The following REV3L variants were observed in gnomAD, a reference collection of about 807,000 sequenced individuals.
REV3L encodes the protein REV3 like, DNA directed polymerase zeta catalytic subunit.
Under a neutral mutation model 299.4 loss-of-function variants are expected in REV3L, and 69 were observed. That is an observed-to-expected ratio of 0.23 (90% CI 0.19 to 0.28). REV3L has a LOEUF of 0.28. Among genes scored for constraint, REV3L ranks in the 10% least tolerant of loss-of-function variants. The pLI, the probability that REV3L is intolerant of heterozygous loss-of-function variation, is 1.00. For missense variants in REV3L, 3,128 were observed against 3,693.8 expected (o/e 0.85, Z 3.97); for synonymous variants, 1,238 against 1,271.4 (o/e 0.97, Z 0.56).
chr6:111,357,254 A>C, intron 17 of REV3L, 129 bp from the exon 18 acceptor site: 5 of 332,136 alleles, frequency 1.5e-5, no homozygotes, highest in Non-Finnish European at 1.1e-5. Flanking sequence ...TTAAGAAAAC[A>C]TCTCCCCAAG....
chr6:111,310,593 T>C, intron 29 of REV3L: 1 of 155,988 alleles, frequency 6.4e-6, no homozygotes, highest in Non-Finnish European at 1.4e-5. Flanking sequence ...TGCAGTGAGC[T>C]GTGATTGCAC....
At chr6:111,307,231 G>A (rs1772413216) in intron 31 of REV3L, 130 bp downstream of exon 31, 1 of 723,786 alleles carries the variant, frequency 1.4e-6, no homozygotes, top group East Asian at 2.6e-5. Context: ...TTTTTAGGAA[G>A]TTTATCATTT....
rs534047375 is a variant in REV3L at position 111,377,282 on chromosome 6, T to C, written c.1597+419A>G. On this transcript the variant is annotated intron_variant, in intron 12 of 31. Transcript: ENST00000368802. ...TTAGCCAACTATATAGAAAGTATGA[T>C]TACAGTTTCAAAATCAATAGAAAGT... is the stretch of plus-strand genomic sequence containing the variant. 1.4e-3 allele frequency among the ~76,000 whole-genome samples: 219 copies of C among 152,252 alleles called. 1 individual carries two copies. The highest frequency in any genetic ancestry group is 4.9e-3 in the African/African-American group (205 of 41,554).
intron 5 of REV3L, among the ~76,000 whole-genome samples, chr6:111,391,192 A>T (rs578224782): frequency 8.6e-5 from 13 of 151,968 alleles, no homozygotes; most frequent in African/African-American, 2.4e-4. Flanking sequence ...CAGCTTCCCA[A>T]GTAACTGGGA....
chr6:111,415,841 C>T (rs535380765), intron 2 of REV3L, among the ~76,000 whole-genome samples: 98 of 152,230 alleles, frequency 6.4e-4, no homozygotes, highest in African/African-American at 2.3e-3. Context: ...TCTTTCCTTC[C>T]ACACGACTAA....
chr6:111,442,485 A>G (rs970205502), intron 1 of REV3L, among the ~76,000 whole-genome samples: 1 of 152,216 alleles, frequency 6.6e-6, no homozygotes, highest in Non-Finnish European at 1.5e-5. Flanking sequence ...TTTTCCTTGC[A>G]AAGTACATTT....
chr6:111,335,643 G>A, intron 21 of REV3L, 33 bp from the exon 22 acceptor site: 2 of 1,577,632 alleles, frequency 1.3e-6, no homozygotes, highest in Non-Finnish European at 8.6e-7. Context: ...ATGAACATCA[G>A]GGAAAAATTT....
At chr6:111,317,394 T>C (rs992639641) in intron 26 of REV3L, among the ~76,000 whole-genome samples, 2 of 152,274 alleles carry the variant, frequency 1.3e-5, no homozygotes, top group Admixed American at 6.5e-5. Flanking sequence ...CTTAGTTAAT[T>C]AGACCTTCAA....
At chr6:111,316,580 C>T (rs240971) in intron 26 of REV3L, among the ~76,000 whole-genome samples, 29,334 of 151,224 alleles carry the variant, frequency 0.19, 3,287 homozygotes, top group East Asian at 0.36. Flanking sequence ...GTGGGAGAAT[C>T]GCTTGAACCC....
chr6:111,481,613 G>C (rs780893275), intron 1 of REV3L, among the ~76,000 whole-genome samples: 1 of 152,192 alleles, frequency 6.6e-6, no homozygotes, highest in Admixed American at 6.5e-5. Flanking sequence ...GTAATAAGAT[G>C]AATGGTGATG....
At chr6:111,326,899 C>T (rs1201379719) in intron 25 of REV3L, among the ~76,000 whole-genome samples, 1 of 151,862 alleles carries the variant, frequency 6.6e-6, no homozygotes, top group Non-Finnish European at 1.5e-5. Context: ...GTGATGTTAG[C>T]TGCTTTTTCC....
intron 31 of REV3L, among the ~76,000 whole-genome samples, chr6:111,301,443 A>G (rs1771511925): frequency 6.6e-6 from 1 of 152,082 alleles, no homozygotes; most frequent in African/African-American, 2.4e-5. Context: ...TTTGTGGCTC[A>G]AGGGGCATCA....
In REV3L at chr6:111,373,949, T is replaced by G. The variant is rs3218572; in HGVS notation, c.4406A>C (p.Gln1469Pro). ...CCTTTGCTTTTGCTCCCATGCTATT[T>G]GTTTGATTGGACTTCTCAAGGAAGT... ...FVTSLRSPIK[Q>P]IAWEQKQRGF... The change falls in exon 13 of 32, where the codon CAA becomes CCA. Residue 1469 changes from glutamine to proline, a missense_variant. By Grantham distance (76) the Gln-to-Pro change is moderately conservative. Coordinates refer to ENST00000368802, the MANE Select transcript of REV3L (RefSeq NM_001372078.1). 15 of 1,614,054 alleles carry G rather than the reference T, an allele frequency of 9.3e-6. No homozygotes were observed. In the Admixed American group the frequency reaches 2.3e-4, roughly 25 times the overall value.
intron 1 of REV3L, among the ~76,000 whole-genome samples, chr6:111,449,336 G>A (rs1241423713): frequency 2.0e-5 from 3 of 152,148 alleles, no homozygotes; most frequent in African/African-American, 7.2e-5. Flanking sequence ...CCTGAGTTGA[G>A]GAAACAAAGT....
At chr6:111,355,891 A>G (rs77953662) in intron 18 of REV3L, among the ~76,000 whole-genome samples, 36 of 152,316 alleles carry the variant, frequency 2.4e-4, no homozygotes, top group African/African-American at 8.4e-4. Flanking sequence ...ATGGGAATCT[A>G]TCTAGTCACC....
intron 4 of REV3L, among the ~76,000 whole-genome samples, chr6:111,394,476 T>C (rs1782266586): frequency 6.6e-6 from 1 of 152,188 alleles, no homozygotes; most frequent in South Asian, 2.1e-4. Context: ...AACTATTTTT[T>C]TTCCTGTTGA....
intron 19 of REV3L, 108 bp downstream of exon 19, chr6:111,351,568 A>G: frequency 3.0e-6 from 2 of 659,298 alleles, no homozygotes; most frequent in Non-Finnish European, 5.2e-6. Context: ...TACACAACTT[A>G]GTACTAAAAA....
At chr6:111,415,045 T>C (rs1784610763) in intron 2 of REV3L, among the ~76,000 whole-genome samples, 1 of 152,200 alleles carries the variant, frequency 6.6e-6, no homozygotes, top group African/African-American at 2.4e-5. Context: ...TAAGTAATCC[T>C]TTCCAGTTTA....
Position 111,367,455 on chromosome 6 carries a change from A to T in REV3L, c.6333T>A (p.Asp2111Glu). The T allele has an allele frequency of 6.2e-7, 1 of 1,609,652 alleles. No individual in the cohort carries two copies. The highest frequency in any genetic ancestry group is 1.7e-4 in the Middle Eastern group (1 of 6,028). Residue 2111 changes from aspartate (D) to glutamate (E), a missense_variant, in exon 14 of 32, where the codon GAT (aspartate) becomes GAA (glutamate). By Grantham distance (45) the Asp-to-Glu change is conservative. Around this residue, in one of 9 missense-constraint regions of REV3L, gnomAD observed 2,409 missense variants for 2,611.8 expected, o/e 0.92. Transcript: ENST00000368802. ...GGGAGCTATAACTAATGTAATAGTT[A>T]TCATCATCATCTTCATCTTTTTCGG... Reference protein sequence around the residue: ...SDPEKDEDDDDNYYISYSSPD... With the variant: ...SDPEKDEDDDENYYISYSSPD...
Sources: allele counts gnomAD v4.1 joint callset (sites outside exome capture counted in the v4.1 genomes callset), GRCh38; gene constraint gnomAD v4.1.1; regional missense constraint gnomAD v4.1.1; transcripts MANE v1.5; gene names NCBI Gene and HGNC (gene_info 2026-07-23, HGNC 2026-07-21).